Variants in PRSS38 observed in about 807,000 individuals in gnomAD.
PRSS38 encodes the protein marapsin 2.
PRSS38 carries 22 observed loss-of-function variants against 26.8 expected under a neutral mutation model. That is an observed-to-expected ratio of 0.82 (90% CI 0.59 to 1.17). The LOEUF (loss-of-function observed/expected upper bound fraction) is 1.17. Ranked by LOEUF, PRSS38 falls within the 50% of genes most tolerant of loss-of-function variation. PRSS38 has a pLI of 0.00. For missense variants in PRSS38, 427 were observed against 422.7 expected (o/e 1.01, Z -0.09); for synonymous variants, 175 against 172.1 (o/e 1.02, Z -0.13).
At chr1:227,834,467 G>A (rs1157606363) in intron 3 of PRSS38, among the ~76,000 whole-genome samples, 1 of 152,072 alleles carries the variant, frequency 6.6e-6, no homozygotes, top group Non-Finnish European at 1.5e-5. Flanking sequence ...CTAGGAGTTC[G>A]AGACCAGCCA....
exon 3 of PRSS38, chr1:227,817,235 T>C (rs887257288): frequency 1.9e-6 from 3 of 1,613,868 alleles, no homozygotes; most frequent in African/African-American, 1.3e-5. Context: ...ATCTATGACA[T>C]GTACGTAGGC....
At chr1:227,818,605 A>G (rs541301940) in intron 3 of PRSS38, among the ~76,000 whole-genome samples, 23 of 148,186 alleles carry the variant, frequency 1.6e-4, no homozygotes, top group African/African-American at 5.5e-4. Context: ...TTGATCCCAG[A>G]AGGTCAAGGC....
chr1:227,840,510 C>T (rs1453456410), intron 3 of PRSS38, among the ~76,000 whole-genome samples: 1 of 152,138 alleles, frequency 6.6e-6, no homozygotes, highest in African/African-American at 2.4e-5. Context: ...AATTCAGTGT[C>T]CCTACATTTT....
intron 2 of PRSS38, 122 bp from the exon 3 acceptor site, chr1:227,817,087 G>A: frequency 9.6e-7 from 1 of 1,043,628 alleles, no homozygotes. Flanking sequence ...TATGCTGCAG[G>A]AAGAAACTGG....
At chr1:227,817,081 C>T in intron 2 of PRSS38, 128 bp from the exon 3 acceptor site, 1 of 985,556 alleles carries the variant, frequency 1.0e-6, no homozygotes, top group East Asian at 2.4e-5. Context: ...CCCTACTATG[C>T]TGCAGGAAGA....
At chr1:227,820,970 T>C (rs1488960051) in intron 3 of PRSS38, among the ~76,000 whole-genome samples, 2 of 152,216 alleles carry the variant, frequency 1.3e-5, no homozygotes, top group Non-Finnish European at 2.9e-5. Context: ...TAGAAATTTG[T>C]CTATTTCATC....
At chr1:227,846,347 C>A in exon 5 of PRSS38, 1 of 1,130,262 alleles carries the variant, frequency 8.8e-7, no homozygotes. Flanking sequence ...ATGCTGAGTC[C>A]AGGAGGTGAT....
intron 3 of PRSS38, among the ~76,000 whole-genome samples, chr1:227,837,139 C>T (rs982903413): frequency 2.6e-5 from 4 of 152,146 alleles, no homozygotes; most frequent in South Asian, 2.1e-4. Flanking sequence ...TACAGGCGTG[C>T]GCCACCATGC....
At chr1:227,832,582 C>G (rs1665168141) in intron 3 of PRSS38, among the ~76,000 whole-genome samples, 1 of 152,166 alleles carries the variant, frequency 6.6e-6, no homozygotes, top group Admixed American at 6.5e-5. Flanking sequence ...AAAGCCTTCC[C>G]TCCAAGATCA....
At chr1:227,815,798 C>G in exon 1 of PRSS38, 1 of 1,612,438 alleles carries the variant, frequency 6.2e-7, no homozygotes, top group Non-Finnish European at 8.5e-7. Flanking sequence ...GGTGGCCCCT[C>G]CCCGGGTCGC....
chr1:227,840,904 C>T (rs776981046), intron 3 of PRSS38, among the ~76,000 whole-genome samples: 3 of 152,202 alleles, frequency 2.0e-5, no homozygotes, highest in South Asian at 2.1e-4. Context: ...ATCTTCCCGA[C>T]CTCCTATATC....
At chr1:227,836,697 A>T (rs112801185) in intron 3 of PRSS38, among the ~76,000 whole-genome samples, 4,655 of 149,690 alleles carry the variant, frequency 0.031, 2,155 homozygotes, top group Non-Finnish European at 0.043. Flanking sequence ...AAAAAAAAAA[A>T]AAAATAAAAT....
At chr1:227,815,970 C>G in intron 1 of PRSS38, 106 bp downstream of exon 1, 1 of 1,491,694 alleles carries the variant, frequency 6.7e-7, no homozygotes. Flanking sequence ...CCTTCCCCTC[C>G]CCCATGTCCC....
chr1:227,824,376 T>C (rs1270209106), intron 3 of PRSS38, among the ~76,000 whole-genome samples: 1 of 152,150 alleles, frequency 6.6e-6, no homozygotes, highest in African/African-American at 2.4e-5. Flanking sequence ...TCCAACTCCA[T>C]CCATGACCCT....
At chr1:227,838,968 A>G (rs576637088) in intron 3 of PRSS38, among the ~76,000 whole-genome samples, 1 of 152,264 alleles carries the variant, frequency 6.6e-6, no homozygotes, top group East Asian at 1.9e-4. Context: ...TACAGGCATG[A>G]GCCACCACGC....
At chr1:227,836,069 T>A (rs904402702) in intron 3 of PRSS38, among the ~76,000 whole-genome samples, 1 of 151,884 alleles carries the variant, frequency 6.6e-6, no homozygotes, top group Non-Finnish European at 1.5e-5. Context: ...AAGACTTTGG[T>A]TATAAAAGAG....
At chr1:227,845,957 G>T in exon 5 of PRSS38, 4 of 1,614,070 alleles carry the variant, frequency 2.5e-6, no homozygotes, top group Non-Finnish European at 3.4e-6. Flanking sequence ...TTTCTAGGGC[G>T]ACTCCGGGGG....
At chr1:227,842,606 T>G in intron 3 of PRSS38, among the ~76,000 whole-genome samples, 1 of 149,794 alleles carries the variant, frequency 6.7e-6, no homozygotes, top group African/African-American at 2.5e-5. Flanking sequence ...TGAGATGGAG[T>G]TTCACTCTTG....
intron 3 of PRSS38, among the ~76,000 whole-genome samples, chr1:227,833,370 A>G (rs1665184755): frequency 6.6e-6 from 1 of 152,126 alleles, no homozygotes; most frequent in South Asian, 2.1e-4. Flanking sequence ...TCTACTAAAA[A>G]TACAAAATTA....
Sources: gnomAD v4.1 joint callset for allele counts (sites outside exome capture counted in the v4.1 genomes callset) on GRCh38, gnomAD v4.1.1 for gene constraint, MANE v1.5 for transcripts, NCBI Gene and HGNC (gene_info 2026-07-23, HGNC 2026-07-21) for gene names.